NUP98: variants seen among roughly 807,000 people sequenced by gnomAD.
NUP98 encodes nuclear pore complex protein Nup98-Nup96.
In NUP98, 26 loss-of-function variants were observed where a neutral mutation model predicts 191.9. The ratio of observed to expected loss-of-function variants is 0.14; its 90% CI spans 0.10 to 0.19. The LOEUF (loss-of-function observed/expected upper bound fraction) is 0.19. Ranked by LOEUF, NUP98 falls within the 10% of genes least tolerant of loss-of-function variation. The probability of loss-of-function intolerance (pLI) is 1.00; values close to 1 mark genes in which losing one functional copy is unlikely to be tolerated. For synonymous variants in NUP98, 808 were observed against 778.4 expected, an observed-to-expected ratio of 1.04 and a Z score of -0.63; for missense variants, 1,941 against 2,178.8, an observed-to-expected ratio of 0.89 and a Z score of 2.17.
In NUP98 at chr11:3,690,821, C is replaced by T. The variant is rs545491562; in HGVS notation, c.4454+526G>A. On this transcript the variant is annotated intron_variant, in intron 28 of 32. Transcript: ENST00000324932. ...CTGTCCATCAACAAATGAATAGATA[C>T]ATAAACCATGTACCCCCGCTAAAAA... is the stretch of plus-strand genomic sequence containing the variant. Among the ~76,000 whole-genome samples the T allele has an allele frequency of 7.6e-4, 115 of 152,024 alleles. 2 individuals carry two copies. Among genetic ancestry groups the T allele is most frequent in the Non-Finnish European group, 1.4e-3 (95 of 67,962 alleles).
At chr11:3,683,536 A>G in intron 29 of NUP98, 95 bp from the exon 30 acceptor site, 1 of 1,288,564 alleles carries the variant, frequency 7.8e-7, no homozygotes, top group South Asian at 1.4e-5. Context: ...AGTCTCTTAA[A>G]CTGCAGGTCT....
At chr11:3,679,485 G>T in intron 31 of NUP98, 69 bp downstream of exon 31, 1 of 1,549,198 alleles carries the variant, frequency 6.5e-7, no homozygotes, top group Non-Finnish European at 8.9e-7. Context: ...CTAAGGCCTT[G>T]TGAGGTATCT....
intron 23 of NUP98, 126 bp downstream of exon 23, chr11:3,702,324 CTCTCTCTCTCTCT>C (rs374623436): frequency 0.17 from 24,758 of 147,104 alleles, 550 homozygotes; most frequent in South Asian, 0.23. Flanking sequence ...CTCTCTCTCT[CTCTCTCTCTCTCT>C]CTCTCTCTCT....
intron 1 of NUP98, among the ~76,000 whole-genome samples, chr11:3,795,862 C>G (rs2082518615): frequency 6.6e-6 from 1 of 152,192 alleles, no homozygotes; most frequent in Admixed American, 6.5e-5. Flanking sequence ...TTCTCTTCTG[C>G]ACTACTAGTT....
intron 4 of NUP98, among the ~76,000 whole-genome samples, chr11:3,777,620 C>CAAAAAAA (rs35614116): frequency 5.0e-5 from 3 of 59,466 alleles, no homozygotes; most frequent in African/African-American, 1.3e-4. Context: ...GACTCCGTCT[C>CAAAAAAA]AAAAAAAAAA....
chr11:3,689,421 G>A (rs1056477116), intron 28 of NUP98, among the ~76,000 whole-genome samples: 1 of 151,944 alleles, frequency 6.6e-6, no homozygotes, highest in Non-Finnish European at 1.5e-5. Context: ...CAGCTACTTG[G>A]GAGGCTGAGG....
intron 1 of NUP98, among the ~76,000 whole-genome samples, chr11:3,782,854 G>A (rs1043817717): frequency 3.3e-5 from 5 of 151,964 alleles, no homozygotes; most frequent in South Asian, 2.1e-4. Flanking sequence ...CACCGCACCC[G>A]GCCAAGGCTT....
rs957771936 is a variant in NUP98 at position 3,712,698 on chromosome 11, C to A, written c.2608G>T (p.Asp870Tyr). The change falls in exon 20 of 33, where the codon GAT (aspartate) becomes TAT (tyrosine). Residue 870 changes from aspartate to tyrosine, a missense_variant. By Grantham distance (160) the Asp-to-Tyr change is radical. Transcript: ENST00000324932. ...VSHFSKYGLQDSDEEEEEHPS... is the reference protein window; with the variant it reads ...VSHFSKYGLQYSDEEEEEHPS... ...TGCTCCTCCTCCTCTTCATCAGAAT[C>A]CTGAAGGCCATACTTAGAAAAATGG... 3 of 1,613,104 alleles carry A rather than the reference C, an allele frequency of 1.9e-6. No homozygotes were observed. Among genetic ancestry groups the A allele is most frequent in the Non-Finnish European group, 1.7e-6 (2 of 1,179,970 alleles).
At position 3,775,927 on chromosome 11, in the gene NUP98, T is replaced by C; in HGVS notation, c.450A>G (p.Pro150=). 1 of 1,613,856 alleles carries C rather than the reference T, an allele frequency of 6.2e-7. No homozygotes were observed. Among genetic ancestry groups the C allele is most frequent in the Non-Finnish European group, 8.5e-7 (1 of 1,179,792 alleles). Residue 150 remains proline, a synonymous_variant, in exon 5 of 33, where the codon CCA becomes CCG. Coordinates refer to ENST00000324932, the MANE Select transcript of NUP98 (RefSeq NM_016320.5). ...FGSTSGSLFG[P]SSFTAAPTGT... is the part of the protein sequence containing the mutation. Reference sequence around the variant, plus strand: ...CAGTAGGAGCAGCTGTAAAACTACTTGGCCCAAAGAGGGAGCCAGATGTGC... The same window carrying C: ...CAGTAGGAGCAGCTGTAAAACTACTCGGCCCAAAGAGGGAGCCAGATGTGC...
At chr11:3,705,996 CAAAAAAAA>C (rs66628165) in intron 21 of NUP98, among the ~76,000 whole-genome samples, 4 of 99,476 alleles carry the variant, frequency 4.0e-5, no homozygotes, top group African/African-American at 1.1e-4. Flanking sequence ...ACTAAAAATA[CAAAAAAAA>C]AAAAAAAAAA....
chr11:3,765,657 C>T (rs777833914), intron 8 of NUP98, among the ~76,000 whole-genome samples: 1 of 151,922 alleles, frequency 6.6e-6, no homozygotes, highest in Non-Finnish European at 1.5e-5. Flanking sequence ...AAAAATTAGC[C>T]GGGCACGGTG....
chr11:3,761,272 A>G (rs1044197935), intron 9 of NUP98, among the ~76,000 whole-genome samples: 2 of 152,190 alleles, frequency 1.3e-5, no homozygotes, highest in Non-Finnish European at 2.9e-5. Context: ...TCACCTAGCT[A>G]TACACTTTAA....
chr11:3,709,760 C>T (rs1186065058), intron 20 of NUP98, among the ~76,000 whole-genome samples: 1 of 135,632 alleles, frequency 7.4e-6, no homozygotes, highest in African/African-American at 2.8e-5. Context: ...CTTGATGTTA[C>T]TGAACACAAG....
Position 3,693,331 on chromosome 11 carries a change from C to T in NUP98, c.4212G>A (p.Gln1404=), listed in dbSNP as rs749150387. The part of the protein sequence containing the change: ...SEKKQINVCS[Q]LDWKRSLAIH... Reference sequence around the variant, plus strand: ...TAGCCAGGGAGCGTTTCCAATCCAACTGGGAGCACACGTTTATTTGCTTCT... The same window carrying T: ...TAGCCAGGGAGCGTTTCCAATCCAATTGGGAGCACACGTTTATTTGCTTCT... Residue 1404 remains glutamine, a synonymous_variant, in exon 27 of 33, where the codon CAG becomes CAA. Coordinates refer to ENST00000324932, the MANE Select transcript of NUP98 (RefSeq NM_016320.5). 6.2e-7 allele frequency: 1 copy of T among 1,614,202 alleles called. No individual in the cohort carries two copies. Among genetic ancestry groups the T allele is most frequent in the South Asian group, 1.1e-5 (1 of 91,084 alleles).
In NUP98 at chr11:3,706,720, C is replaced by A; in HGVS notation, c.2743-93G>T. 1.2e-5 allele frequency: 15 copies of A among 1,219,482 alleles called. No individual in the cohort carries two copies. The South Asian group carries it at 2.0e-4, about 16-fold the overall frequency. 75.5% of individuals were successfully genotyped at this position (1,219,482 alleles called of 1,614,324 possible). On this transcript the variant is annotated intron_variant, in intron 20 of 32. Coordinates refer to ENST00000324932, the MANE Select transcript of NUP98 (RefSeq NM_016320.5). The stretch of plus-strand genomic sequence containing the variant: ...GATTTACTTTATTCAGAATATGATA[C>A]AACAATTATTAGATTCAGCCCATTC...
chr11:3,772,055 A>C, intron 6 of NUP98, 127 bp from the exon 7 acceptor site: 2 of 722,302 alleles, frequency 2.8e-6, no homozygotes, highest in Non-Finnish European at 4.5e-6. Context: ...AAAAAGAGAA[A>C]ACTAAGGAAT....
chr11:3,770,507 A>G (rs1040152195), intron 7 of NUP98, among the ~76,000 whole-genome samples: 3 of 151,732 alleles, frequency 2.0e-5, no homozygotes, highest in African/African-American at 7.3e-5. Context: ...AAGAAAAGAA[A>G]AGAAAAAGTA....
intron 2 of NUP98, among the ~76,000 whole-genome samples, chr11:3,779,988 C>G (rs866007010): frequency 1.1e-4 from 17 of 152,156 alleles, no homozygotes; most frequent in Non-Finnish European, 1.9e-4. Flanking sequence ...AAATTAGTGA[C>G]ACTCCGTAGT....
rs200977559 is a variant in NUP98, at chr11:3,699,377, C to T, written c.3743-29G>A. 13 of 1,608,884 alleles carry T rather than the reference C, an allele frequency of 8.1e-6. No individual in the cohort carries two copies. The East Asian group carries it at 1.6e-4, about 19-fold the overall frequency. Reference sequence around the variant, plus strand: ...AGGCAGGAAGAGAAAAACAATGTTACGAGACAAAGTCTTACAACAACTTCA... The same window carrying T: ...AGGCAGGAAGAGAAAAACAATGTTATGAGACAAAGTCTTACAACAACTTCA... On this transcript the variant is annotated intron_variant, in intron 24 of 32. Transcript: ENST00000324932.
Sources: allele counts gnomAD v4.1 joint callset (sites outside exome capture counted in the v4.1 genomes callset), GRCh38; gene constraint gnomAD v4.1.1; transcripts MANE v1.5; gene names NCBI Gene and HGNC (gene_info 2026-07-23, HGNC 2026-07-21).